The following CUX1 variants were observed in gnomAD, a reference collection of about 807,000 sequenced individuals.
CUX1 encodes the protein protein CASP.
CUX1 carries 31 observed loss-of-function variants against 158.8 expected under a neutral mutation model. The ratio of observed to expected loss-of-function variants is 0.20; its 90% CI spans 0.15 to 0.26. The LOEUF is 0.26. CUX1 is among the 10% of genes least tolerant of loss of function. The probability of loss-of-function intolerance (pLI) is 1.00; values close to 1 mark genes in which losing one functional copy is unlikely to be tolerated. For missense variants in CUX1, 1,589 were observed against 2,014.6 expected, an observed-to-expected ratio of 0.79 and a Z score of 4.04; for synonymous variants, 879 against 862.1, an observed-to-expected ratio of 1.02 and a Z score of -0.34.
intron 18 of CUX1, 54 bp from the exon 19 acceptor site, chr7:102,204,337 G>A (rs1333823755): frequency 5.6e-6 from 9 of 1,596,540 alleles, no homozygotes; most frequent in Non-Finnish European, 7.7e-6. Flanking sequence ...CAGCATCTGT[G>A]GTGTCATGCT....
intron 1 of CUX1, among the ~76,000 whole-genome samples, chr7:101,849,200 G>A (rs934939339): frequency 1.3e-5 from 2 of 151,782 alleles, no homozygotes; most frequent in Admixed American, 6.6e-5. Context: ...ACAAGTGCAG[G>A]TTTGTGACAT....
chr7:101,956,703 T>C (rs1460453905), intron 2 of CUX1, among the ~76,000 whole-genome samples: 1 of 152,162 alleles, frequency 6.6e-6, no homozygotes, highest in African/African-American at 2.4e-5. Flanking sequence ...TCCCAGCACT[T>C]TGGGAGGCCG....
chr7:102,041,214 T>C (rs901107309), intron 3 of CUX1, among the ~76,000 whole-genome samples: 14 of 147,226 alleles, frequency 9.5e-5, no homozygotes, highest in Non-Finnish European at 1.6e-4. Context: ...GAGAATTGCT[T>C]GGACGACCAC....
rs58793343 is a variant in CUX1 at position 101,821,671 on chromosome 7, C to CTTTTTTTTTTTTTTTTTTTTTT, written c.30+4007_30+4028dup. ...CTTTTCTTTTCTTTTTTTCTTTTTTCTTTTTTTTTTTTTTTTTTTTTTTTT... is the reference window on the plus strand; with the variant it reads ...CTTTTCTTTTCTTTTTTTCTTTTTTCTTTTTTTTTTTTTTTTTTTTTTTTTTTTTTTTTTTTTTTTTTTTTTT... On this transcript the variant is annotated intron_variant, in intron 1 of 23. Coordinates refer to ENST00000292535, the MANE Select transcript of CUX1 (RefSeq NM_181552.4). Among the ~76,000 whole-genome samples the CTTTTTTTTTTTTTTTTTTTTTT allele has an allele frequency of 8.2e-4, 42 of 51,312 alleles. 7 individuals are homozygous for CTTTTTTTTTTTTTTTTTTTTTT. Among genetic ancestry groups the CTTTTTTTTTTTTTTTTTTTTTT allele is most frequent in the Middle Eastern group, 0.026 (1 of 38 alleles). The allele number at this position is 51,312 out of a possible 152,430, so 33.7% of individuals were successfully genotyped here. A position where few individuals can be genotyped will look rare whatever the true frequency, so the allele number is the denominator to read the frequency against.
intron 13 of CUX1, among the ~76,000 whole-genome samples, chr7:102,194,394 A>G (rs1554517729): frequency 6.6e-5 from 10 of 151,484 alleles, no homozygotes; most frequent in Non-Finnish European, 4.4e-5. Flanking sequence ...GAGGCCAGGA[A>G]TTTGAGACCA....
rs781845780 is a variant in CUX1, at chr7:102,204,483, C to G, written c.3000C>G (p.Ile1000Met). The change falls in exon 19 of 24, where the codon ATC (isoleucine) becomes ATG (methionine). Residue 1000 changes from isoleucine to methionine, a missense_variant. Ile to Met is a conservative substitution (Grantham distance 10, BLOSUM62 1). Coordinates refer to ENST00000292535, the MANE Select transcript of CUX1 (RefSeq NM_181552.4). ...CGCAGAAAGGCCGAGAACCCTTCAT[C>G]CGGATGCAGCTCTGGCTGAACGGCG... ...KLTQKGREPF[I>M]RMQLWLNGEL... 6.2e-7 allele frequency: 1 copy of G among 1,613,716 alleles called. No homozygotes were observed. The highest frequency in any genetic ancestry group is 8.5e-7 in the Non-Finnish European group (1 of 1,180,038).
intron 7 of CUX1, 126 bp from the exon 8 acceptor site, chr7:102,115,081 T>C: frequency 5.2e-6 from 4 of 774,250 alleles, no homozygotes; most frequent in Non-Finnish European, 6.4e-6. Flanking sequence ...GTGTTTTTAA[T>C]CTTTATTTTT....
chr7:102,206,957 T>A (rs1453694877), intron 20 of CUX1, among the ~76,000 whole-genome samples: 1 of 152,160 alleles, frequency 6.6e-6, no homozygotes, highest in Non-Finnish European at 1.5e-5. Flanking sequence ...GTGCCAGGCC[T>A]GCTAATGATC....
intron 3 of CUX1, among the ~76,000 whole-genome samples, chr7:102,031,353 G>T (rs1392795845): frequency 6.6e-6 from 1 of 152,054 alleles, no homozygotes; most frequent in African/African-American, 2.4e-5. Flanking sequence ...ATGAGCCACC[G>T]CGCCTGGCCT....
intron 12 of CUX1, 86 bp from the exon 13 acceptor site, chr7:102,193,756 C>T (rs1344498706): frequency 5.8e-6 from 8 of 1,371,152 alleles, no homozygotes; most frequent in Non-Finnish European, 6.0e-6. Flanking sequence ...GAGCCAATAT[C>T]GCGCCACTGC....
rs200253961 is a variant in CUX1 at position 102,254,533 on chromosome 7, G to T, written c.*5491G>T. 2 of 985,552 alleles carry T rather than the reference G, an allele frequency of 2.0e-6. No homozygotes were observed. Among genetic ancestry groups the T allele is most frequent in the Non-Finnish European group, 2.4e-6 (2 of 829,998 alleles). 61.1% of individuals were successfully genotyped at this position (985,552 alleles called of 1,614,324 possible). On this transcript the variant is annotated 3_prime_UTR_variant, in exon 24 of 24. Coordinates refer to ENST00000292535, the MANE Select transcript of CUX1 (RefSeq NM_181552.4). ...AAGAAAATCAGCTCCTGGGGCTGGT[G>T]GTTGGAGGTGGGTCTGTCCACTGTG... is the stretch of plus-strand genomic sequence containing the variant.
chr7:102,151,312 G>A (rs1302637506), intron 8 of CUX1, among the ~76,000 whole-genome samples: 2 of 152,158 alleles, frequency 1.3e-5, no homozygotes, highest in African/African-American at 4.8e-5. Flanking sequence ...CAGCACTTTG[G>A]GAGGCCGAGG....
chr7:101,935,421 A>G (rs1806799443), intron 2 of CUX1, among the ~76,000 whole-genome samples: 1 of 152,150 alleles, frequency 6.6e-6, no homozygotes, highest in African/African-American at 2.4e-5. Context: ...GTCTTTTCAC[A>G]CGGACGTGAG....
At chr7:101,872,020 CAAA>C in intron 1 of CUX1, among the ~76,000 whole-genome samples, 1 of 142,006 alleles carries the variant, frequency 7.0e-6, no homozygotes. Context: ...TCCATCCCCC[CAAA>C]AAAAAAAAAA....
chr7:102,085,003 A>C (rs1554479931), intron 4 of CUX1, among the ~76,000 whole-genome samples: 1 of 151,346 alleles, frequency 6.6e-6, no homozygotes, highest in South Asian at 2.1e-4. Context: ...TCAACTGTAG[A>C]TTTTTTTGTA....
chr7:101,997,253 G>A (rs1345461859), intron 2 of CUX1, among the ~76,000 whole-genome samples: 1 of 152,244 alleles, frequency 6.6e-6, no homozygotes, highest in East Asian at 1.9e-4. Flanking sequence ...TGCCCATGAT[G>A]GTGTAATGAG....
intron 8 of CUX1, among the ~76,000 whole-genome samples, chr7:102,138,656 T>G (rs1834141668): frequency 6.6e-6 from 1 of 152,202 alleles, no homozygotes; most frequent in South Asian, 2.1e-4. Flanking sequence ...CCCTCTACAA[T>G]GAGACCCGAT....
At chr7:102,265,199 T>C (rs1202781313) in intron 14 of CUX1, among the ~76,000 whole-genome samples, 3 of 151,760 alleles carry the variant, frequency 2.0e-5, no homozygotes, top group African/African-American at 7.3e-5. Flanking sequence ...CTACTAAAAA[T>C]ACAAAAATTA....
At chr7:102,234,757 TAAAAA>T (rs34652160) in intron 22 of CUX1, among the ~76,000 whole-genome samples, 2 of 109,594 alleles carry the variant, frequency 1.8e-5, no homozygotes, top group Non-Finnish European at 3.7e-5. Flanking sequence ...CCCTCACTAC[TAAAAA>T]AAAAAAAAAA....
Sources: gnomAD v4.1 joint callset for allele counts (sites outside exome capture counted in the v4.1 genomes callset) on GRCh38, gnomAD v4.1.1 for gene constraint, MANE v1.5 for transcripts, NCBI Gene and HGNC (gene_info 2026-07-23, HGNC 2026-07-21) for gene names.